Variants in SLC35F3 observed in about 807,000 individuals in gnomAD.
SLC35F3 encodes putative thiamine transporter SLC35F3.
In SLC35F3, 25 loss-of-function variants were observed where a neutral mutation model predicts 49.9. That is an observed-to-expected ratio of 0.50 (90% CI 0.37 to 0.70). SLC35F3 has a LOEUF of 0.70. Ranked by LOEUF, SLC35F3 falls within the 30% of genes least tolerant of loss-of-function variation. The probability of loss-of-function intolerance (pLI) is 0.00; values close to 1 mark genes in which losing one functional copy is unlikely to be tolerated. For synonymous variants in SLC35F3, 275 were observed against 265.4 expected (o/e 1.04, Z -0.35); for missense variants, 525 against 639.8 (o/e 0.82, Z 1.94).
At chr1:234,112,554 C>CTTTTTTTT (rs1229344681) in intron 2 of SLC35F3, among the ~76,000 whole-genome samples, 2 of 116,728 alleles carry the variant, frequency 1.7e-5, no homozygotes, top group Non-Finnish European at 3.9e-5. Flanking sequence ...ATAATTCACA[C>CTTTTTTTT]TCTTTTTTTT....
intron 2 of SLC35F3, among the ~76,000 whole-genome samples, chr1:234,185,089 C>A (rs781533323): frequency 1.8e-4 from 27 of 152,122 alleles, no homozygotes; most frequent in Non-Finnish European, 2.8e-4. Context: ...AACAATACAT[C>A]GAGGGAGAGT....
At chr1:233,992,702 A>G (rs993557808) in intron 2 of SLC35F3, among the ~76,000 whole-genome samples, 3 of 152,204 alleles carry the variant, frequency 2.0e-5, no homozygotes, top group Admixed American at 6.5e-5. Context: ...CAAACACACT[A>G]TATCCAAACC....
intron 2 of SLC35F3, among the ~76,000 whole-genome samples, chr1:234,195,927 C>A (rs911904841): frequency 6.6e-6 from 1 of 152,226 alleles, no homozygotes; most frequent in African/African-American, 2.4e-5. Context: ...ACATGCCTTT[C>A]GCCTTCCACC....
intron 2 of SLC35F3, among the ~76,000 whole-genome samples, chr1:234,062,570 T>G (rs149745442): frequency 6.6e-6 from 1 of 152,372 alleles, no homozygotes; most frequent in Non-Finnish European, 1.5e-5. Flanking sequence ...TGGTTTTGAT[T>G]GTGCCCTTAG....
chr1:234,131,040 G>A (rs12119808), intron 2 of SLC35F3, among the ~76,000 whole-genome samples: 58,528 of 151,800 alleles, frequency 0.39, 13,238 homozygotes, highest in Non-Finnish European at 0.52. Context: ...AAAACATATT[G>A]TACAATTTTA....
At chr1:233,937,809 A>G (rs1355859336) in intron 2 of SLC35F3, among the ~76,000 whole-genome samples, 1 of 152,216 alleles carries the variant, frequency 6.6e-6, no homozygotes, top group Non-Finnish European at 1.5e-5. Context: ...AAGGTGAGAT[A>G]GAAGCAAGGA....
chr1:234,167,839 G>C (rs2102916969), intron 2 of SLC35F3, among the ~76,000 whole-genome samples: 1 of 152,270 alleles, frequency 6.6e-6, no homozygotes, highest in Admixed American at 6.5e-5. Context: ...AATGGTTCCA[G>C]GTTCCCTAAG....
At chr1:234,315,612 T>G (rs1226529470) in intron 4 of SLC35F3, among the ~76,000 whole-genome samples, 1 of 152,256 alleles carries the variant, frequency 6.6e-6, no homozygotes, top group African/African-American at 2.4e-5. Flanking sequence ...ACATATATCC[T>G]ACGACCACTC....
At chr1:234,107,639 TC>T (rs568260718) in intron 2 of SLC35F3, among the ~76,000 whole-genome samples, 69,089 of 152,026 alleles carry the variant, frequency 0.45, 16,217 homozygotes, top group East Asian at 0.82. Flanking sequence ...TACATAGAGC[TC>T]CTGGCTCTAT....
chr1:234,068,858 G>GATATATATATATTT (rs1664662369), intron 2 of SLC35F3, among the ~76,000 whole-genome samples: 1 of 49,256 alleles, frequency 2.0e-5, no homozygotes, highest in Non-Finnish European at 3.9e-5. Flanking sequence ...TATATATATG[G>GATATATATATATTT]CATATTTATA....
At chr1:234,242,082 G>A (rs1667562789) in intron 3 of SLC35F3, among the ~76,000 whole-genome samples, 1 of 152,200 alleles carries the variant, frequency 6.6e-6, no homozygotes, top group South Asian at 2.1e-4. Flanking sequence ...AATGAAACAG[G>A]AGCCAGTGGG....
chr1:234,231,552 C>T lies in SLC35F3; in HGVS notation c.419C>T (p.Ala140Val), dbSNP rs757952175. The change falls in exon 3 of 8, where the codon GCG becomes GTG. Residue 140 changes from alanine to valine, a missense_variant. Physicochemically the swap from Ala to Val is moderately conservative, Grantham distance 64. This residue lies in a region of SLC35F3 where 228 missense variants were observed against 218.9 expected (regional missense o/e 1.04). Transcript: ENST00000366618. The surrounding 1 kb of genome is among the most constrained non-coding windows in gnomAD (Gnocchi z 5.4). The stretch of plus-strand genomic sequence containing the variant: ...CTCAAGAAGATCTTCTGGGGCGTGG[C>T]GGTCGTGCTGTGCGTGTGCTCCTCG... ...AQLKKIFWGV[A>V]VVLCVCSSWA... is the part of the protein sequence containing the mutation. The T allele has an allele frequency of 3.1e-6, 5 of 1,614,094 alleles. No individual in the cohort carries two copies. The highest frequency in any genetic ancestry group is 2.2e-5 in the East Asian group (1 of 44,874).
chr1:234,110,985 A>T (rs568124116), intron 2 of SLC35F3, among the ~76,000 whole-genome samples: 216 of 152,310 alleles, frequency 1.4e-3, no homozygotes, highest in Non-Finnish European at 2.4e-3. Context: ...TGAAAAATCT[A>T]GTATAAGCTT....
chr1:234,237,321 A>AT (rs1332751231), intron 3 of SLC35F3, among the ~76,000 whole-genome samples: 2 of 152,150 alleles, frequency 1.3e-5, no homozygotes, highest in African/African-American at 4.8e-5. Context: ...ATCCTGAAGT[A>AT]TTATAAAACT....
chr1:234,127,740 G>A (rs1482434647), intron 2 of SLC35F3, among the ~76,000 whole-genome samples: 23 of 152,086 alleles, frequency 1.5e-4, no homozygotes, highest in Non-Finnish European at 4.4e-5. Flanking sequence ...TTCTTTGAAG[G>A]AAATAAATTA....
intron 2 of SLC35F3, among the ~76,000 whole-genome samples, chr1:234,215,290 G>T (rs1667105388): frequency 6.6e-6 from 1 of 152,216 alleles, no homozygotes. Flanking sequence ...AAATGTGAGC[G>T]AGAGGACAGG....
intron 2 of SLC35F3, among the ~76,000 whole-genome samples, chr1:234,170,292 A>AGG (rs1421199560): frequency 6.6e-6 from 1 of 152,190 alleles, no homozygotes; most frequent in Non-Finnish European, 1.5e-5. Flanking sequence ...GGCAGCTCGT[A>AGG]GGGGTTAAAC....
At chr1:234,191,447 A>C (rs563262188) in intron 2 of SLC35F3, among the ~76,000 whole-genome samples, 1 of 152,196 alleles carries the variant, frequency 6.6e-6, no homozygotes, top group Non-Finnish European at 1.5e-5. Context: ...AAGCAAAGGC[A>C]GTGCTAAGAG....
At chr1:234,050,018 T>G (rs1489033003) in intron 2 of SLC35F3, among the ~76,000 whole-genome samples, 1 of 152,238 alleles carries the variant, frequency 6.6e-6, no homozygotes, top group Admixed American at 6.5e-5. Context: ...GTGCCACACT[T>G]TATTAATCCA....
Sources: allele counts gnomAD v4.1 joint callset (sites outside exome capture counted in the v4.1 genomes callset), GRCh38; gene constraint gnomAD v4.1.1; regional missense constraint gnomAD v4.1.1; non-coding constraint Gnocchi (gnomAD v3.1); transcripts MANE v1.5; gene names NCBI Gene and HGNC (gene_info 2026-07-23, HGNC 2026-07-21).